ADCY5: variants seen among roughly 807,000 people sequenced by gnomAD.
The protein encoded by ADCY5 is adenylate cyclase type 5.
A neutral mutation model predicts 119.7 loss-of-function variants in ADCY5; 30 were observed. That is an observed-to-expected ratio of 0.25 (90% CI 0.19 to 0.34). The LOEUF is 0.34. ADCY5 is among the 10% of genes least tolerant of loss of function. The pLI is 1.00. For missense variants in ADCY5, 1,324 were observed against 1,775.2 expected, an observed-to-expected ratio of 0.75 and a Z score of 4.57; for synonymous variants, 753 against 762.2, an observed-to-expected ratio of 0.99 and a Z score of 0.20.
At chr3:123,444,677 T>C (rs1442373121) in intron 1 of ADCY5, among the ~76,000 whole-genome samples, 3 of 152,098 alleles carry the variant, frequency 2.0e-5, no homozygotes, top group Non-Finnish European at 2.9e-5. Flanking sequence ...AAGAATAAAA[T>C]ACACAGGTCA....
At chr3:123,320,940 A>G (rs576721443) in intron 8 of ADCY5, among the ~76,000 whole-genome samples, 169 bp from the exon 9 acceptor site, 1 of 152,302 alleles carries the variant, frequency 6.6e-6, no homozygotes, top group South Asian at 2.1e-4. Flanking sequence ...CACTTGGAGA[A>G]TACAGCTGGG....
intron 12 of ADCY5, 42 bp downstream of exon 12, chr3:123,314,193 C>T (rs540068197): frequency 1.4e-5 from 21 of 1,523,394 alleles, no homozygotes; most frequent in Admixed American, 3.4e-5. Flanking sequence ...CTGAGAGAAG[C>T]GGGAAGAAGG....
intron 2 of ADCY5, among the ~76,000 whole-genome samples, chr3:123,348,727 T>C (rs891269342): frequency 6.6e-5 from 10 of 152,160 alleles, no homozygotes; most frequent in African/African-American, 2.4e-4. Flanking sequence ...GTCTGGACTA[T>C]GCTCTCTTTC....
At chr3:123,325,229 G>A in intron 8 of ADCY5, 93 bp downstream of exon 8, 1 of 1,486,130 alleles carries the variant, frequency 6.7e-7, no homozygotes, top group East Asian at 2.3e-5. Context: ...AGATTCCCTT[G>A]GGCAACACGA....
At chr3:123,417,036 G>A (rs1315204024) in intron 1 of ADCY5, among the ~76,000 whole-genome samples, 1 of 152,090 alleles carries the variant, frequency 6.6e-6, no homozygotes, top group African/African-American at 2.4e-5. Context: ...CTCCAGAACT[G>A]TGAGAAAATA....
chr3:123,291,503 T>C, intron 17 of ADCY5, 127 bp from the exon 18 acceptor site: 1 of 1,182,128 alleles, frequency 8.5e-7, no homozygotes. Flanking sequence ...GTGCCCAGGA[T>C]GTTGGCAAGT....
intron 11 of ADCY5, among the ~76,000 whole-genome samples, chr3:123,316,002 G>GC (rs939824147): frequency 2.2e-4 from 33 of 152,176 alleles, no homozygotes; most frequent in African/African-American, 7.2e-4. Flanking sequence ...GGTGGAGCTG[G>GC]CTGCCAGTGC....
At chr3:123,400,539 T>C (rs1944721665) in intron 1 of ADCY5, among the ~76,000 whole-genome samples, 1 of 152,190 alleles carries the variant, frequency 6.6e-6, no homozygotes, top group South Asian at 2.1e-4. Context: ...AATAGGAGAA[T>C]GGGTAAACTG....
At chr3:123,393,959 C>A (rs542914832) in intron 1 of ADCY5, among the ~76,000 whole-genome samples, 1 of 152,214 alleles carries the variant, frequency 6.6e-6, no homozygotes, top group South Asian at 2.1e-4. Context: ...CATGGTGAAA[C>A]CCTGTCTCTA....
intron 1 of ADCY5, among the ~76,000 whole-genome samples, chr3:123,378,810 T>C (rs1943930467): frequency 6.6e-6 from 1 of 152,234 alleles, no homozygotes; most frequent in African/African-American, 2.4e-5. Context: ...CTTCATGCCT[T>C]TGTTTCCCCA....
chr3:123,376,578 T>C (rs1943842566), intron 1 of ADCY5, among the ~76,000 whole-genome samples: 1 of 151,850 alleles, frequency 6.6e-6, no homozygotes, highest in Non-Finnish European at 1.5e-5. Flanking sequence ...GTCTGCTGAG[T>C]GGAAATCACC....
At chr3:123,318,911 A>G (rs1199756276) in intron 10 of ADCY5, among the ~76,000 whole-genome samples, 2 of 152,244 alleles carry the variant, frequency 1.3e-5, no homozygotes, top group African/African-American at 4.8e-5. Flanking sequence ...GAAATGCAAC[A>G]GAGAGATCTT....
chr3:123,303,838 A>AAGAGAAGAG (rs1940008231), intron 13 of ADCY5, among the ~76,000 whole-genome samples: 4 of 99,382 alleles, frequency 4.0e-5, no homozygotes, highest in South Asian at 3.4e-4. Context: ...ACTGGAAAGA[A>AAGAGAAGAG]AAGAGAAGAG....
Position 123,388,693 on chromosome 3 carries a change from G to C in ADCY5, c.1135-36112C>G, listed in dbSNP as rs573045351. Among the ~76,000 whole-genome samples the C allele has an allele frequency of 7.9e-5, 12 of 152,310 alleles. No homozygotes were observed. The South Asian group carries it at 1.5e-3, about 18-fold the overall frequency. On this transcript the variant is annotated intron_variant, in intron 1 of 20. Coordinates refer to ENST00000462833, the MANE Select transcript of ADCY5 (RefSeq NM_183357.3). ...AGAGGAGGCCAAAACAACAGACAGA[G>C]TGGGAACAGCCAAAGAAAGACAAGA...
rs1427199672 is a variant in ADCY5 at position 123,303,833 on chromosome 3, AAAGAAAAGAGAAGAG to A, written c.2559+219_2559+233del. ...GAGTAAGACTCTGTCTCAAAACTGG[AAAGAAAAGAGAAGAG>A]AAGAGAAGAGAAGAGAAGAGAAGAG... On this transcript the variant is annotated intron_variant, in intron 13 of 20. Transcript: ENST00000462833. 0.018 allele frequency among the ~76,000 whole-genome samples: 2,102 copies of A among 114,992 alleles called. 42 individuals are homozygous for A. Among genetic ancestry groups the A allele is most frequent in the African/African-American group, 0.049 (1,620 of 33,338 alleles). 75.4% of individuals were successfully genotyped at this position (114,992 alleles called of 152,430 possible).
At chr3:123,398,747 AC>A (rs1453574549) in intron 1 of ADCY5, among the ~76,000 whole-genome samples, 1 of 151,264 alleles carries the variant, frequency 6.6e-6, no homozygotes, top group Non-Finnish European at 1.5e-5. Flanking sequence ...CATGCCATTA[AC>A]CCCCTCCTGT....
chr3:123,395,421 G>C (rs944286483), intron 1 of ADCY5, among the ~76,000 whole-genome samples: 10 of 152,164 alleles, frequency 6.6e-5, no homozygotes, highest in African/African-American at 1.9e-4. Flanking sequence ...ATCCTCCTCC[G>C]CCTCACAGGC....
chr3:123,432,757 C>T (rs1020592805), intron 1 of ADCY5, among the ~76,000 whole-genome samples: 4 of 152,116 alleles, frequency 2.6e-5, no homozygotes, highest in African/African-American at 7.2e-5. Flanking sequence ...TAACTCCTGG[C>T]CTCAAGCAAT....
At chr3:123,400,048 A>G (rs1377997303) in intron 1 of ADCY5, among the ~76,000 whole-genome samples, 1 of 152,202 alleles carries the variant, frequency 6.6e-6, no homozygotes, top group African/African-American at 2.4e-5. Flanking sequence ...CAGCAGTTAC[A>G]TGTTCTCTTG....
Sources: gnomAD v4.1 joint callset for allele counts (sites outside exome capture counted in the v4.1 genomes callset) on GRCh38, gnomAD v4.1.1 for gene constraint, MANE v1.5 for transcripts, NCBI Gene and HGNC (gene_info 2026-07-23, HGNC 2026-07-21) for gene names.